The following BTNL2 variants were observed in gnomAD, a reference collection of about 807,000 sequenced individuals.
BTNL2 encodes butyrophilin like 2, also known as butyrophilin-like protein 2.
A neutral mutation model predicts 46.8 loss-of-function variants in BTNL2; 46 were observed. The ratio of observed to expected loss-of-function variants is 0.98; its 90% CI spans 0.78 to 1.26. BTNL2 has a LOEUF of 1.26. BTNL2 is among the 50% of genes most tolerant of loss of function. The pLI is 0.00. For missense variants in BTNL2, 461 were observed against 592.6 expected, an observed-to-expected ratio of 0.78 and a Z score of 2.31; for synonymous variants, 226 against 229.1, an observed-to-expected ratio of 0.99 and a Z score of 0.12.
Position 32,394,880 on chromosome 6 carries a change from G to A in BTNL2, c.1224C>T (p.Ala408=), listed in dbSNP as rs748632819. The part of the protein sequence containing the change: ...EGKTIPSSSQ[A]LTQGSHGLFH... ...ACAGCCCGTGGCTGCCTTGAGTCAG[G>A]GCCTGGGAAGATGATGGTATCGTCT... Residue 408 remains alanine, a synonymous_variant, in exon 6 of 8, where the codon GCC becomes GCT. Coordinates refer to ENST00000454136, the MANE Select transcript of BTNL2 (RefSeq NM_001304561.2). This position sits in a 1 kb window ranked among gnomAD's most constrained non-coding sequence, Gnocchi z 4.6. 1.2e-6 allele frequency: 2 copies of A among 1,614,236 alleles called. No individual in the cohort carries two copies. Among genetic ancestry groups the A allele is most frequent in the Admixed American group, 3.3e-5 (2 of 60,028 alleles).
rs568445155 is a variant in BTNL2 at position 32,403,366 on chromosome 6, G to A, written c.428-150C>T. The A allele has an allele frequency of 1.8e-5, 15 of 812,578 alleles. 1 individual carries two copies. In the South Asian group the frequency reaches 2.2e-4, roughly 12 times the overall value. The allele number at this position is 812,578 out of a possible 1,614,324, so 50.3% of individuals were successfully genotyped here. On this transcript the variant is annotated intron_variant, in intron 2 of 7. Coordinates refer to ENST00000454136, the MANE Select transcript of BTNL2 (RefSeq NM_001304561.2). ...TCGACCTCAGTCTCCCCATTCAAAT[G>A]TGAGTTCAGATACACTTTATTTGTT...
chr6:32,399,483 A>G lies in BTNL2; in HGVS notation c.730+2302T>C, dbSNP rs1776627519. 6.6e-6 allele frequency among the ~76,000 whole-genome samples: 1 copy of G among 152,352 alleles called. No individual in the cohort carries two copies. Among genetic ancestry groups the G allele is most frequent in the African/African-American group, 2.4e-5 (1 of 41,596 alleles). ...ATCTCTTAGAACTGGACACTACATT[A>G]GAGATTAAATTCAACCTGTTCACTT... On this transcript the variant is annotated intron_variant, in intron 4 of 7. Coordinates refer to ENST00000454136, the MANE Select transcript of BTNL2 (RefSeq NM_001304561.2). The surrounding 1 kb of genome is among the most constrained non-coding windows in gnomAD (Gnocchi z 5.2).
At chr6:32,395,613 C>G (rs185606427) in intron 5 of BTNL2, among the ~76,000 whole-genome samples, 123 of 152,190 alleles carry the variant, frequency 8.1e-4, no homozygotes, top group African/African-American at 2.7e-3. Flanking sequence ...CATCTTTTCT[C>G]CCCTGTCCCT....
chr6:32,402,359 T>A (rs1446798940), intron 3 of BTNL2, among the ~76,000 whole-genome samples: 2 of 152,190 alleles, frequency 1.3e-5, no homozygotes, highest in African/African-American at 4.8e-5. Flanking sequence ...ATTGGAAATG[T>A]CAATTTATAG....
At position 32,405,272 on chromosome 6, in the gene BTNL2, TGAC is replaced by T. The variant is rs1562260490; in HGVS notation, c.91_93del (p.Val31del). On this transcript the variant is annotated inframe_deletion, in exon 2 of 8. Coordinates refer to ENST00000454136, the MANE Select transcript of BTNL2 (RefSeq NM_001304561.2). ...GCCAGGATAGGATGAGCAGGGCCAA[TGAC>T]TCTAAAGTCTTCTATAAAATAAGTG... is the stretch of plus-strand genomic sequence containing the variant. 1.2e-6 allele frequency: 2 copies of T among 1,613,008 alleles called. No homozygotes were observed. Among genetic ancestry groups the T allele is most frequent in the South Asian group, 2.2e-5 (2 of 91,078 alleles).
At position 32,393,882 on chromosome 6, in the gene BTNL2, T is replaced by A; in HGVS notation, c.*6+81A>T. 1 of 1,497,416 alleles carries A rather than the reference T, an allele frequency of 6.7e-7. No homozygotes were observed. The allele number at this position is 1,497,416 out of a possible 1,614,324, so 92.8% of individuals were successfully genotyped here. On this transcript the variant is annotated intron_variant, in intron 7 of 7. Transcript: ENST00000454136. This position sits in a 1 kb window ranked among gnomAD's most constrained non-coding sequence, Gnocchi z 4.8. ...TCACTGACTGCCTCCCATAGGTGACTTGTGAAAAGGGAGGCTCGGGGAAGT... is the reference window on the plus strand; with the variant it reads ...TCACTGACTGCCTCCCATAGGTGACATGTGAAAAGGGAGGCTCGGGGAAGT...
rs1776330848 is a variant in BTNL2, at chr6:32,394,689, G to A, written c.1360+55C>T. 6.5e-7 allele frequency: 1 copy of A among 1,538,742 alleles called. No individual in the cohort carries two copies. The highest frequency in any genetic ancestry group is 1.8e-5 in the Admixed American group (1 of 56,432). On this transcript the variant is annotated intron_variant, in intron 6 of 7. Coordinates refer to ENST00000454136, the MANE Select transcript of BTNL2 (RefSeq NM_001304561.2). The surrounding 1 kb of genome is among the most constrained non-coding windows in gnomAD (Gnocchi z 4.6). ...GAAGAGCAATACAATGAGTAAGTCT[G>A]AGTTGGTCTTCATATTTATTTTCCA...
chr6:32,402,552 T>C (rs1776847839), intron 3 of BTNL2, among the ~76,000 whole-genome samples: 1 of 152,216 alleles, frequency 6.6e-6, no homozygotes. Flanking sequence ...TAATTAATAT[T>C]CTATTATGCA....
Position 32,407,097 on chromosome 6 carries a change from C to T in BTNL2, c.27G>A (p.Leu9=). The T allele has an allele frequency of 6.2e-7, 1 of 1,613,024 alleles. No homozygotes were observed. Among genetic ancestry groups the T allele is most frequent in the Non-Finnish European group, 8.5e-7 (1 of 1,180,010 alleles). Residue 9 remains leucine (L), a synonymous_variant, in exon 1 of 8, where the codon CTG becomes CTA. Coordinates refer to ENST00000454136, the MANE Select transcript of BTNL2 (RefSeq NM_001304561.2). Reference sequence around the variant, plus strand: ...ATAGGAAGGAGGCGACTGCACCAGACAGATTGTAGCCTGGAAAATCCACCA... The same window carrying T: ...ATAGGAAGGAGGCGACTGCACCAGATAGATTGTAGCCTGGAAAATCCACCA... MVDFPGYN[L]SGAVASFLFI...
Position 32,396,089 on chromosome 6 carries a change from A to G in BTNL2, c.1028T>C (p.Phe343Ser). The G allele has an allele frequency of 6.2e-7, 1 of 1,612,934 alleles. No homozygotes were observed. The highest frequency in any genetic ancestry group is 2.2e-5 in the East Asian group (1 of 44,894). The part of the protein sequence containing the change: ...PSDDGQYRCL[F>S]EKDDVYQEAS... ...CTCCTGGTAGACATCATCTTTTTCA[A>G]AAAGGCAGCGGTACTGCCCGTCGTC... is the stretch of plus-strand genomic sequence containing the variant. Residue 343 changes from phenylalanine (F) to serine (S), a missense_variant, in exon 5 of 8, where the codon TTT becomes TCT. Phe to Ser is a radical substitution (Grantham distance 155). Transcript: ENST00000454136. The surrounding 1 kb of genome is among the most constrained non-coding windows in gnomAD (Gnocchi z 4.4).
Position 32,405,142 on chromosome 6 carries a change from A to T in BTNL2, c.224T>A (p.Phe75Tyr). ...WYRSEPSTPV[F>Y]VHRDGVEVTE... ...CACCTCCACTCCATCCCTGTGCACAAACACAGGTGTGCTGGGCTCTGAGCG... is the reference window on the plus strand; with the variant it reads ...CACCTCCACTCCATCCCTGTGCACATACACAGGTGTGCTGGGCTCTGAGCG... The change falls in exon 2 of 8, where the codon TTT becomes TAT. Residue 75 changes from phenylalanine (F) to tyrosine (Y), a missense_variant. By Grantham distance (22) the Phe-to-Tyr change is conservative. Coordinates refer to ENST00000454136, the MANE Select transcript of BTNL2 (RefSeq NM_001304561.2). The T allele has an allele frequency of 6.2e-7, 1 of 1,612,996 alleles. No individual in the cohort carries two copies. The highest frequency in any genetic ancestry group is 1.3e-5 in the African/African-American group (1 of 75,022).
At position 32,396,707 on chromosome 6, in the gene BTNL2, G is replaced by A. The variant is rs147461309; in HGVS notation, c.731-321C>T. Among the ~76,000 whole-genome samples the A allele has an allele frequency of 0.012, 1,858 of 152,266 alleles. 68 individuals are homozygous for A. Among genetic ancestry groups the A allele is most frequent in the East Asian group, 0.11 (565 of 5,170 alleles). ...ATTAAAACTCCCAGATAGGCTGGGT[G>A]TGGTGGCTCAAGTCTATAATCCCAG... On this transcript the variant is annotated intron_variant, in intron 4 of 7. Coordinates refer to ENST00000454136, the MANE Select transcript of BTNL2 (RefSeq NM_001304561.2). The surrounding 1 kb of genome is among the most constrained non-coding windows in gnomAD (Gnocchi z 4.4).
rs1042118428 is a variant in BTNL2, at chr6:32,396,727, T to A, written c.731-341A>T. On this transcript the variant is annotated intron_variant, in intron 4 of 7. Coordinates refer to ENST00000454136, the MANE Select transcript of BTNL2 (RefSeq NM_001304561.2). The surrounding 1 kb of genome is among the most constrained non-coding windows in gnomAD (Gnocchi z 4.4). Reference sequence around the variant, plus strand: ...TGGGTGTGGTGGCTCAAGTCTATAATCCCAGCACTTTGGGAGGCCGAAGCG... The same window carrying A: ...TGGGTGTGGTGGCTCAAGTCTATAAACCCAGCACTTTGGGAGGCCGAAGCG... Among the ~76,000 whole-genome samples the A allele has an allele frequency of 6.6e-6, 1 of 152,102 alleles. No individual in the cohort carries two copies. Among genetic ancestry groups the A allele is most frequent in the African/African-American group, 2.4e-5 (1 of 41,424 alleles).
intron 2 of BTNL2, 132 bp downstream of exon 2, chr6:32,404,807 A>C: frequency 1.2e-6 from 1 of 847,182 alleles, no homozygotes; most frequent in South Asian, 1.7e-5. Context: ...TTTTTAAATC[A>C]ATCAGGGTAG....
At chr6:32,405,935 CTAGAG>C (rs2150324905) in intron 1 of BTNL2, among the ~76,000 whole-genome samples, 1 of 151,726 alleles carries the variant, frequency 6.6e-6, no homozygotes, top group African/African-American at 2.4e-5. Flanking sequence ...ACTGGTTTGT[CTAGAG>C]ATTTTTGGGT....
chr6:32,406,986 G>T, intron 1 of BTNL2, 59 bp downstream of exon 1: 1 of 1,520,912 alleles, frequency 6.6e-7, no homozygotes, highest in South Asian at 1.1e-5. Context: ...TCGACCTTTG[G>T]ACCCAGACTA....
chr6:32,402,404 T>C (rs957470500), intron 3 of BTNL2, among the ~76,000 whole-genome samples: 5 of 145,936 alleles, frequency 3.4e-5, no homozygotes, highest in Admixed American at 6.8e-5. Context: ...TAGTGCATCA[T>C]GAGGATTTTT....
At position 32,396,070 on chromosome 6, in the gene BTNL2, G is replaced by A; in HGVS notation, c.1047C>T (p.Tyr349=). ...YRCLFEKDDV[Y]QEASLDLKVV... is the part of the protein sequence containing the mutation. ...CCTTCAGATCCAAACTGGCCTCCTGGTAGACATCATCTTTTTCAAAAAGGC... is the reference window on the plus strand; with the variant it reads ...CCTTCAGATCCAAACTGGCCTCCTGATAGACATCATCTTTTTCAAAAAGGC... Residue 349 remains tyrosine (Y), a synonymous_variant, in exon 5 of 8, where the codon TAC becomes TAT. Coordinates refer to ENST00000454136, the MANE Select transcript of BTNL2 (RefSeq NM_001304561.2). This position sits in a 1 kb window ranked among gnomAD's most constrained non-coding sequence, Gnocchi z 4.4. The A allele has an allele frequency of 6.2e-7, 1 of 1,612,986 alleles. No individual in the cohort carries two copies. Among genetic ancestry groups the A allele is most frequent in the Non-Finnish European group, 8.5e-7 (1 of 1,179,976 alleles).
rs543175363 is a variant in BTNL2 at position 32,396,704 on chromosome 6, G to C, written c.731-318C>G. Among the ~76,000 whole-genome samples the C allele has an allele frequency of 2.0e-4, 31 of 152,094 alleles. No homozygotes were observed. The highest frequency in any genetic ancestry group is 5.9e-4 in the Admixed American group (9 of 15,268). On this transcript the variant is annotated intron_variant, in intron 4 of 7. Transcript: ENST00000454136. This position sits in a 1 kb window ranked among gnomAD's most constrained non-coding sequence, Gnocchi z 4.4. ...GCAATTAAAACTCCCAGATAGGCTG[G>C]GTGTGGTGGCTCAAGTCTATAATCC... is the stretch of plus-strand genomic sequence containing the variant.
Sources: allele counts gnomAD v4.1 joint callset (sites outside exome capture counted in the v4.1 genomes callset), GRCh38; gene constraint gnomAD v4.1.1; non-coding constraint Gnocchi (gnomAD v3.1); transcripts MANE v1.5; gene names NCBI Gene and HGNC (gene_info 2026-07-23, HGNC 2026-07-21).